THEMIS2: variants seen among roughly 807,000 people sequenced by gnomAD.
The protein encoded by THEMIS2 is protein THEMIS2.
Under a neutral mutation model 46.8 loss-of-function variants are expected in THEMIS2, and 29 were observed. That is an observed-to-expected ratio of 0.62 (90% CI 0.46 to 0.84). The LOEUF is 0.84. Among genes scored for constraint, THEMIS2 ranks in the 40% least tolerant of loss-of-function variants. THEMIS2 has a pLI of 0.00. For missense variants in THEMIS2, 698 were observed against 834.7 expected (o/e 0.84, Z 2.02); for synonymous variants, 335 against 349.1 (o/e 0.96, Z 0.45).
At chr1:27,884,090 T>A (rs558380843) in intron 4 of THEMIS2, 1 of 152,002 alleles carries the variant, frequency 6.6e-6, no homozygotes, top group Non-Finnish European at 1.5e-5. Context: ...GCTTACTCTG[T>A]GGCAGGCCCC....
In THEMIS2 at chr1:27,881,406, G is replaced by A. The variant is rs1029066885; in HGVS notation, c.647-565G>A. Among the ~76,000 whole-genome samples the A allele has an allele frequency of 9.3e-5, 14 of 151,338 alleles. No individual in the cohort carries two copies. In the East Asian group the frequency reaches 1.6e-3, roughly 17 times the overall value. On this transcript the variant is annotated intron_variant, in intron 3 of 5. Transcript: ENST00000373921. The stretch of plus-strand genomic sequence containing the variant: ...CTAGAGCTTGCAGTGAGCCAAGATC[G>A]CACCACTGCACTCCAGCCTGAGCGA...
intron 1 of THEMIS2, among the ~76,000 whole-genome samples, chr1:27,873,601 C>T (rs1041555389): frequency 1.3e-5 from 2 of 152,126 alleles, no homozygotes; most frequent in African/African-American, 2.4e-5. Context: ...CAAGGAGGTC[C>T]CTCATGAAGG....
chr1:27,885,192 G>A (rs2089747883), intron 4 of THEMIS2, 103 bp from the exon 5 acceptor site: 1 of 1,249,206 alleles, frequency 8.0e-7, no homozygotes, highest in South Asian at 1.4e-5. Context: ...AGGAAGTAGA[G>A]AGAGAAGCAG....
chr1:27,880,684 G>A (rs540591148), intron 3 of THEMIS2, among the ~76,000 whole-genome samples: 2 of 152,282 alleles, frequency 1.3e-5, no homozygotes, highest in South Asian at 4.1e-4. Context: ...CTACTCTGGA[G>A]GCTGAGGCAG....
At position 27,879,580 on chromosome 1, in the gene THEMIS2, G is replaced by A. The variant is rs1004181083; in HGVS notation, c.236-64G>A. 4.9e-5 allele frequency: 71 copies of A among 1,453,710 alleles called. 1 individual carries two copies. Among genetic ancestry groups the A allele is most frequent in the Admixed American group, 2.5e-4 (12 of 48,924 alleles). 90.1% of individuals were successfully genotyped at this position (1,453,710 alleles called of 1,614,324 possible). A position where few individuals can be genotyped will look rare whatever the true frequency, so the allele number is the denominator to read the frequency against. On this transcript the variant is annotated intron_variant, in intron 2 of 5. Transcript: ENST00000373921. ...CAGGGCCAGACTGGGGTCTGGACCT[G>A]ACAAAGGCCTGCCCCACCCTGACAC...
intron 1 of THEMIS2, among the ~76,000 whole-genome samples, chr1:27,876,180 T>C (rs554418100): frequency 1.2e-3 from 176 of 149,510 alleles, no homozygotes; most frequent in African/African-American, 4.2e-3. Flanking sequence ...ACTAAGGGAA[T>C]CCCAACTCCC....
intron 1 of THEMIS2, among the ~76,000 whole-genome samples, chr1:27,873,503 T>C (rs1212656466): frequency 6.6e-6 from 1 of 152,016 alleles, no homozygotes; most frequent in African/African-American, 2.4e-5. Flanking sequence ...TTGAAGGCCC[T>C]GCCCCATCCT....
rs1356874592 is a variant in THEMIS2 at position 27,886,217 on chromosome 1, T to A, written c.*295T>A. 1 of 426,000 alleles carries A rather than the reference T, an allele frequency of 2.3e-6. No individual in the cohort carries two copies. Among genetic ancestry groups the A allele is most frequent in the African/African-American group, 2.0e-5 (1 of 49,700 alleles). 26.4% of individuals were successfully genotyped at this position (426,000 alleles called of 1,614,324 possible). On this transcript the variant is annotated 3_prime_UTR_variant, in exon 6 of 6. Coordinates refer to ENST00000373921, the MANE Select transcript of THEMIS2 (RefSeq NM_001105556.3). ...TTCCTCTCAATCCTGCAACCCCAGC[T>A]GTCCCACCGGTGGATGCAGAGGGGA...
At chr1:27,883,431 T>C in intron 4 of THEMIS2, 1 of 188,292 alleles carries the variant, frequency 5.3e-6, no homozygotes, top group Non-Finnish European at 1.1e-5. Context: ...TTACAAAAGC[T>C]GTCAGAAAGG....
intron 3 of THEMIS2, among the ~76,000 whole-genome samples, chr1:27,881,032 G>A (rs1036201178): frequency 4.0e-5 from 6 of 151,752 alleles, no homozygotes; most frequent in Non-Finnish European, 7.4e-5. Flanking sequence ...TGCCCACCTC[G>A]GCCTCCCAGA....
At chr1:27,873,624 G>A (rs534808326) in intron 1 of THEMIS2, among the ~76,000 whole-genome samples, 14 of 152,250 alleles carry the variant, frequency 9.2e-5, no homozygotes, top group South Asian at 2.1e-4. Flanking sequence ...CCCGCAGGGG[G>A]CCACCACCTC....
At chr1:27,873,035 G>C (rs1371260868) in intron 1 of THEMIS2, among the ~76,000 whole-genome samples, 1 of 152,080 alleles carries the variant, frequency 6.6e-6, no homozygotes, top group Non-Finnish European at 1.5e-5. Flanking sequence ...TGAAGTGCAG[G>C]GTCAGTCTTC....
At chr1:27,885,259 T>G in intron 4 of THEMIS2, 36 bp from the exon 5 acceptor site, 1 of 1,609,566 alleles carries the variant, frequency 6.2e-7, no homozygotes, top group Non-Finnish European at 8.5e-7. Context: ...TCCCCATTTC[T>G]TGAGACCCTG....
rs1443868174 is a variant in THEMIS2 at position 27,883,124 on chromosome 1, C to T, written c.1719+81C>T. ...TTTGTCATGTCTGCCTGTCATGTTT[C>T]TCTTGCAACTGTGTAAACTTGTAGT... is the stretch of plus-strand genomic sequence containing the variant. On this transcript the variant is annotated intron_variant, in intron 4 of 5. Coordinates refer to ENST00000373921, the MANE Select transcript of THEMIS2 (RefSeq NM_001105556.3). 4.1e-6 allele frequency: 5 copies of T among 1,222,228 alleles called. No homozygotes were observed. The East Asian group carries it at 9.7e-5, about 24-fold the overall frequency. The allele number at this position is 1,222,228 out of a possible 1,614,324, so 75.7% of individuals were successfully genotyped here.
At chr1:27,873,889 G>C (rs534386625) in intron 1 of THEMIS2, among the ~76,000 whole-genome samples, 1 of 152,172 alleles carries the variant, frequency 6.6e-6, no homozygotes, top group African/African-American at 2.4e-5. Context: ...CCCTGACAGG[G>C]TGTGGGTGTG....
chr1:27,872,724 C>T lies in THEMIS2; in HGVS notation c.94+59C>T. 1 of 1,220,498 alleles carries T rather than the reference C, an allele frequency of 8.2e-7. No individual in the cohort carries two copies. The highest frequency in any genetic ancestry group is 1.0e-6 in the Non-Finnish European group (1 of 966,074). 75.6% of individuals were successfully genotyped at this position (1,220,498 alleles called of 1,614,324 possible). A position where few individuals can be genotyped will look rare whatever the true frequency, so the allele number is the denominator to read the frequency against. ...CTTGGTGTGGGGCGGGGGCAGAGAC[C>T]CGGAGAAGACGTTAGCAATCCGGGG... is the stretch of plus-strand genomic sequence containing the variant. On this transcript the variant is annotated intron_variant, in intron 1 of 5. Transcript: ENST00000373921. This position sits in a 1 kb window ranked among gnomAD's most constrained non-coding sequence, Gnocchi z 4.9.
rs1256524975 is a variant in THEMIS2 at position 27,874,033 on chromosome 1, G to GTTTTTT, written c.94+1380_94+1385dup. 3.1e-5 allele frequency among the ~76,000 whole-genome samples: 3 copies of GTTTTTT among 97,162 alleles called. 1 individual carries two copies. The highest frequency in any genetic ancestry group is 5.4e-5 in the Non-Finnish European group (3 of 55,488). The allele number at this position is 97,162 out of a possible 152,430, so 63.7% of individuals were successfully genotyped here. On this transcript the variant is annotated intron_variant, in intron 1 of 5. Transcript: ENST00000373921. Reference sequence around the variant, plus strand: ...GGCAAACACCCTGGGTTCAACCTAGGTTTTTTTTTTTTTTTTTGAGACAGA... The same window carrying GTTTTTT: ...GGCAAACACCCTGGGTTCAACCTAGGTTTTTTTTTTTTTTTTTTTTTTTGAGACAGA...
Position 27,879,852 on chromosome 1 carries a change from G to A in THEMIS2, c.444G>A (p.Leu148=), listed in dbSNP as rs559721374. The A allele has an allele frequency of 2.5e-6, 4 of 1,613,080 alleles. No individual in the cohort carries two copies. The highest frequency in any genetic ancestry group is 1.7e-5 in the Admixed American group (1 of 59,954). ...GGATCCGCTCTGCCCGCTGTGTCCT[G>A]GGCATGGAGGGTCAGCAGGTCATCC... The part of the protein sequence containing the change: ...HLGIRSARCV[L]GMEGQQVILH... The change falls in exon 3 of 6, where the codon CTG becomes CTA. Residue 148 remains leucine, a synonymous_variant. Transcript: ENST00000373921.
Position 27,882,872 on chromosome 1 carries a change from A to C in THEMIS2, c.1548A>C (p.Pro516=). The change falls in exon 4 of 6, where the codon CCA becomes CCC. Residue 516 remains proline (P), a synonymous_variant. Coordinates refer to ENST00000373921, the MANE Select transcript of THEMIS2 (RefSeq NM_001105556.3). This position sits in a 1 kb window ranked among gnomAD's most constrained non-coding sequence, Gnocchi z 7.6. ...CTGTTGTGAAGGCCAAGGGGCAGCC[A>C]GACTTGCCAGAGGGGTCTCTCCCCA... is the stretch of plus-strand genomic sequence containing the variant. The part of the protein sequence containing the change: ...DLTVVKAKGQ[P]DLPEGSLPIA... The C allele has an allele frequency of 6.2e-7, 1 of 1,613,970 alleles. No homozygotes were observed. Among genetic ancestry groups the C allele is most frequent in the Non-Finnish European group, 8.5e-7 (1 of 1,179,954 alleles).
Sources: allele counts gnomAD v4.1 joint callset (sites outside exome capture counted in the v4.1 genomes callset), GRCh38; gene constraint gnomAD v4.1.1; non-coding constraint Gnocchi (gnomAD v3.1); transcripts MANE v1.5; gene names NCBI Gene and HGNC (gene_info 2026-07-23, HGNC 2026-07-21).